GTF3C1: variants seen among roughly 807,000 people sequenced by gnomAD.
GTF3C1 encodes the protein general transcription factor IIIC subunit 1, also known as general transcription factor 3C polypeptide 1.
GTF3C1 carries 57 observed loss-of-function variants against 226.7 expected under a neutral mutation model. That is an observed-to-expected ratio of 0.25 (90% CI 0.20 to 0.31). The LOEUF (loss-of-function observed/expected upper bound fraction) is 0.31. Ranked by LOEUF, GTF3C1 falls within the 10% of genes least tolerant of loss-of-function variation. The pLI, the probability that GTF3C1 is intolerant of heterozygous loss-of-function variation, is 1.00. For synonymous variants in GTF3C1, 1,090 were observed against 1,084.8 expected (o/e 1.00, Z -0.09); for missense variants, 2,217 against 2,776.1 (o/e 0.80, Z 4.53).
intron 25 of GTF3C1, 102 bp downstream of exon 25, chr16:27,484,109 T>TCAGACACCTCAGTGTGCTC: frequency 2.3e-6 from 2 of 873,376 alleles, no homozygotes; most frequent in African/African-American, 1.6e-5. Context: ...GGCCAGCCCA[T>TCAGACACCTCAGTGTGCTC]CAGACACCTC....
chr16:27,539,925 A>T (rs2089057251), intron 2 of GTF3C1, among the ~76,000 whole-genome samples: 1 of 152,090 alleles, frequency 6.6e-6, no homozygotes, highest in South Asian at 2.1e-4. Context: ...ATCAGCAGGA[A>T]ATGGCCCAAG....
At chr16:27,466,796 G>A (rs2087793060) in intron 32 of GTF3C1, among the ~76,000 whole-genome samples, 1 of 152,208 alleles carries the variant, frequency 6.6e-6, no homozygotes, top group Non-Finnish European at 1.5e-5. Flanking sequence ...CTGACATGGA[G>A]AAAGTTTCAG....
chr16:27,476,540 C>G lies in GTF3C1; in HGVS notation c.4264G>C (p.Asp1422His), dbSNP rs1217046764. 1.2e-6 allele frequency: 2 copies of G among 1,600,922 alleles called. No individual in the cohort carries two copies. The highest frequency in any genetic ancestry group is 1.7e-6 in the Non-Finnish European group (2 of 1,168,582). ...TRKEDELNSV[D>H]DIHFLVLQNL... ...TGAAGCACCAGAAAGTGGATGTCAT[C>G]CACGCTGAAAGAGAGGGGGCAGCAG... The change falls in exon 29 of 37, where the codon GAT becomes CAT. Residue 1422 changes from aspartate (D) to histidine (H), a missense_variant. Physicochemically the swap from Asp to His is moderately conservative, Grantham distance 81 (BLOSUM62 -1). This residue lies in a region of GTF3C1 where 546 missense variants were observed against 663.0 expected (regional missense o/e 0.82). Coordinates refer to ENST00000356183, the MANE Select transcript of GTF3C1 (RefSeq NM_001520.4).
chr16:27,482,262 C>T (rs868595427), intron 26 of GTF3C1, among the ~76,000 whole-genome samples: 1 of 152,136 alleles, frequency 6.6e-6, no homozygotes, highest in African/African-American at 2.4e-5. Context: ...GGGAGTGTGG[C>T]GGCAGGAACC....
Position 27,471,626 on chromosome 16 carries a change from A to G in GTF3C1, c.4526+122T>C, listed in dbSNP as rs532358938. ...GGAAACCCAAGCCGGCATCTTGCACATGAGGCTGCGAAGGTCCCTGGCTCC... is the reference window on the plus strand; with the variant it reads ...GGAAACCCAAGCCGGCATCTTGCACGTGAGGCTGCGAAGGTCCCTGGCTCC... On this transcript the variant is annotated intron_variant, in intron 30 of 36. Transcript: ENST00000356183. The surrounding 1 kb of genome is among the most constrained non-coding windows in gnomAD (Gnocchi z 5.0). 42 of 750,860 alleles carry G rather than the reference A, an allele frequency of 5.6e-5. No individual in the cohort carries two copies. Among genetic ancestry groups the G allele is most frequent in the Non-Finnish European group, 9.1e-5 (40 of 439,992 alleles). 46.5% of individuals were successfully genotyped at this position (750,860 alleles called of 1,614,324 possible).
At chr16:27,480,978 A>G in intron 27 of GTF3C1, 101 bp downstream of exon 27, 1 of 888,810 alleles carries the variant, frequency 1.1e-6, no homozygotes, top group Non-Finnish European at 1.9e-6. Flanking sequence ...GCAGCCAGGC[A>G]GGTGCTGTGC....
intron 22 of GTF3C1, 64 bp downstream of exon 22, chr16:27,488,490 G>C: frequency 6.5e-7 from 1 of 1,549,800 alleles, no homozygotes; most frequent in Non-Finnish European, 8.9e-7. Context: ...CGAACATAGG[G>C]TAGTCGTTTA....
chr16:27,483,693 G>A (rs937550808), intron 25 of GTF3C1, among the ~76,000 whole-genome samples: 43 of 152,218 alleles, frequency 2.8e-4, no homozygotes, highest in African/African-American at 1.0e-3. Context: ...AGCCTGGTAA[G>A]GCAAGGGGAC....
At chr16:27,490,649 C>T (rs1026886216) in intron 19 of GTF3C1, among the ~76,000 whole-genome samples, 2 of 152,188 alleles carry the variant, frequency 1.3e-5, no homozygotes, top group African/African-American at 4.8e-5. Context: ...GGCAAAGCTT[C>T]TCTCATATAA....
rs552163094 is a variant in GTF3C1, at chr16:27,472,028, C to G, written c.4354-108G>C. The G allele has an allele frequency of 2.6e-5, 25 of 943,400 alleles. No individual in the cohort carries two copies. In the East Asian group the frequency reaches 6.0e-4, roughly 22 times the overall value. The allele number at this position is 943,400 out of a possible 1,614,324, so 58.4% of individuals were successfully genotyped here. On this transcript the variant is annotated intron_variant, in intron 29 of 36. Transcript: ENST00000356183. ...GCTGATGCTTTATAGAGGAAGTGACCGATCGTGGGAGGCCCAGGCTGGCGT... is the reference window on the plus strand; with the variant it reads ...GCTGATGCTTTATAGAGGAAGTGACGGATCGTGGGAGGCCCAGGCTGGCGT...
At chr16:27,498,790 G>A in intron 12 of GTF3C1, 57 bp from the exon 13 acceptor site, 1 of 772,380 alleles carries the variant, frequency 1.3e-6, no homozygotes, top group Admixed American at 2.1e-5. Flanking sequence ...GGAAGACTTG[G>A]CTCCACAGTC....
At chr16:27,473,567 C>T (rs149062405) in intron 29 of GTF3C1, among the ~76,000 whole-genome samples, 19 of 152,366 alleles carry the variant, frequency 1.2e-4, no homozygotes, top group African/African-American at 4.3e-4. Context: ...TTTAAGTGAT[C>T]CTCTGAGGTC....
intron 6 of GTF3C1, among the ~76,000 whole-genome samples, chr16:27,524,894 C>T (rs2088806055): frequency 1.3e-5 from 2 of 152,252 alleles, no homozygotes; most frequent in African/African-American, 2.4e-5. Context: ...TGGCTCACGC[C>T]TGTAATCCCA....
At chr16:27,494,419 A>C (rs893666323) in intron 16 of GTF3C1, among the ~76,000 whole-genome samples, 1 of 151,796 alleles carries the variant, frequency 6.6e-6, no homozygotes, top group South Asian at 2.1e-4. Flanking sequence ...AAAACAAAAA[A>C]AAAAAACAAA....
intron 11 of GTF3C1, among the ~76,000 whole-genome samples, 187 bp from the exon 12 acceptor site, chr16:27,501,531 T>C (rs529026905): frequency 6.6e-6 from 1 of 152,246 alleles, no homozygotes; most frequent in Non-Finnish European, 1.5e-5. Context: ...GGCAAATGTA[T>C]CAGGTAAGGA....
rs774720217 is a variant in GTF3C1 at position 27,493,203 on chromosome 16, T to C, written c.2872A>G (p.Lys958Glu). The change falls in exon 17 of 37, where the codon AAG (lysine) becomes GAG (glutamate). Residue 958 changes from lysine to glutamate, a missense_variant. Around this residue, in one of 12 missense-constraint regions of GTF3C1, gnomAD observed 353 missense variants for 411.7 expected, o/e 0.86. Transcript: ENST00000356183. ...GGTCAGGTTCAATGGCCTCACCTCT[T>C]GTACAGAAGCTGCTGCCGAATGGGC... ...PRPIRQQLLYKRRYIFSVVEN... is the reference protein window; with the variant it reads ...PRPIRQQLLYERRYIFSVVEN... 5 of 1,587,026 alleles carry C rather than the reference T, an allele frequency of 3.2e-6. No homozygotes were observed. The highest frequency in any genetic ancestry group is 3.3e-5 in the Admixed American group (2 of 59,974).
rs147597666 is a variant in GTF3C1, at chr16:27,481,099, T to C, written c.4176A>G (p.Thr1392=). Residue 1392 remains threonine, a synonymous_variant, in exon 27 of 37, where the codon ACA becomes ACG. Coordinates refer to ENST00000356183, the MANE Select transcript of GTF3C1 (RefSeq NM_001520.4). Reference sequence around the variant, plus strand: ...CTTACCTGGCGAACAGCTCCTGGAGTGTGTCTGGGATTTCAAGGTTAGAAT... The same window carrying C: ...CTTACCTGGCGAACAGCTCCTGGAGCGTGTCTGGGATTTCAAGGTTAGAAT... ...LRNSNLEIPD[T]LQELFARYRV... The C allele has an allele frequency of 7.4e-6, 12 of 1,613,802 alleles. No individual in the cohort carries two copies. The African/African-American group carries it at 1.5e-4, about 20-fold the overall frequency.
At chr16:27,528,822 T>C (rs2088871663) in intron 5 of GTF3C1, 101 bp from the exon 6 acceptor site, 1 of 1,154,352 alleles carries the variant, frequency 8.7e-7, no homozygotes, top group Non-Finnish European at 1.3e-6. Flanking sequence ...CTGAATTAAT[T>C]GATTATCTTG....
At chr16:27,545,130 C>T (rs2089144462) in intron 2 of GTF3C1, among the ~76,000 whole-genome samples, 184 bp downstream of exon 2, 2 of 152,142 alleles carry the variant, frequency 1.3e-5, no homozygotes, top group Admixed American at 6.5e-5. Flanking sequence ...GCATGTGCCA[C>T]CACACCCGGC....
Sources: allele counts gnomAD v4.1 joint callset (sites outside exome capture counted in the v4.1 genomes callset), GRCh38; gene constraint gnomAD v4.1.1; regional missense constraint gnomAD v4.1.1; non-coding constraint Gnocchi (gnomAD v3.1); transcripts MANE v1.5; gene names NCBI Gene and HGNC (gene_info 2026-07-23, HGNC 2026-07-21).